MRC1: variants seen among roughly 807,000 people sequenced by gnomAD.
MRC1 encodes mannose receptor C-type 1.
In MRC1, 62 loss-of-function variants were observed where a neutral mutation model predicts 102.9. The ratio of observed to expected loss-of-function variants is 0.60; its 90% CI spans 0.49 to 0.74. MRC1 has a LOEUF of 0.74. MRC1 is among the 30% of genes least tolerant of loss of function. MRC1 has a pLI of 0.00. For synonymous variants in MRC1, 457 were observed against 298.4 expected, an observed-to-expected ratio of 1.53 and a Z score of -5.48; for missense variants, 1,237 against 862.8, an observed-to-expected ratio of 1.43 and a Z score of -5.43.
chr10:17,825,040 C>T (rs1838452476), intron 2 of MRC1, among the ~76,000 whole-genome samples: 2 of 152,172 alleles, frequency 1.3e-5, no homozygotes, highest in South Asian at 4.2e-4. Context: ...CCGGGTGATT[C>T]TGTGGCATAG....
intron 7 of MRC1, 142 bp from the exon 8 acceptor site, chr10:17,852,825 A>G: frequency 4.0e-6 from 3 of 753,230 alleles, no homozygotes; most frequent in Non-Finnish European, 7.4e-6. Flanking sequence ...ATGAGCACTC[A>G]TGAGGACTAT....
At chr10:17,881,677 T>G (rs1554842435) in intron 21 of MRC1, among the ~76,000 whole-genome samples, 1 of 93,916 alleles carries the variant, frequency 1.1e-5, no homozygotes. Context: ...TTGATTTTTT[T>G]TTTTTTTTTT....
At chr10:17,846,722 A>G (rs1230765188) in intron 6 of MRC1, among the ~76,000 whole-genome samples, 5 of 152,210 alleles carry the variant, frequency 3.3e-5, no homozygotes, top group Non-Finnish European at 2.9e-5. Context: ...CTTAACAACA[A>G]TTTTGGACAT....
At chr10:17,852,831 A>G in intron 7 of MRC1, 136 bp from the exon 8 acceptor site, 1 of 758,020 alleles carries the variant, frequency 1.3e-6, no homozygotes, top group South Asian at 1.4e-5. Flanking sequence ...ACTCATGAGG[A>G]CTATCTTTCA....
At position 17,859,327 on chromosome 10, in the gene MRC1, G is replaced by T. The variant is rs1833143879; in HGVS notation, c.1519-2060G>T. Among the ~76,000 whole-genome samples, 3 of 151,996 alleles carry T rather than the reference G, an allele frequency of 2.0e-5. No homozygotes were observed. In the South Asian group the frequency reaches 6.2e-4, roughly 32 times the overall value. The stretch of plus-strand genomic sequence containing the variant: ...TTTTCTCATATGGCTTGTTGTTGTT[G>T]TTGTTTTTGAGAAGGAGTCTTGCTA... On this transcript the variant is annotated intron_variant, in intron 9 of 29. Coordinates refer to ENST00000569591, the MANE Select transcript of MRC1 (RefSeq NM_002438.4).
chr10:17,896,764 C>T (rs959716685), intron 23 of MRC1, among the ~76,000 whole-genome samples: 2 of 151,826 alleles, frequency 1.3e-5, no homozygotes, highest in East Asian at 3.9e-4. Context: ...GACCCTGACT[C>T]TAAAATAAAA....
chr10:17,870,085 C>T (rs1053647350), intron 12 of MRC1, among the ~76,000 whole-genome samples, 161 bp from the exon 13 acceptor site: 6 of 152,300 alleles, frequency 3.9e-5, no homozygotes, highest in East Asian at 1.9e-4. Context: ...CCCAACTATT[C>T]ACTCATAAAC....
chr10:17,882,919 A>C (rs972518378), intron 21 of MRC1, among the ~76,000 whole-genome samples: 80 of 152,196 alleles, frequency 5.3e-4, no homozygotes, highest in Non-Finnish European at 1.0e-3. Flanking sequence ...GATAATAGAG[A>C]TGTGCAGAAG....
At chr10:17,858,951 C>T (rs1306453470) in intron 9 of MRC1, among the ~76,000 whole-genome samples, 1 of 152,202 alleles carries the variant, frequency 6.6e-6, no homozygotes, top group African/African-American at 2.4e-5. Context: ...ATTCTATTGT[C>T]TATGCTTTCT....
intron 6 of MRC1, among the ~76,000 whole-genome samples, chr10:17,846,183 C>G (rs966323737): frequency 2.6e-5 from 4 of 151,990 alleles, no homozygotes; most frequent in Admixed American, 1.3e-4. Context: ...GCTGGGATTA[C>G]AGGCATGAGC....
intron 21 of MRC1, among the ~76,000 whole-genome samples, chr10:17,881,649 A>G (rs1589190283): frequency 6.8e-6 from 1 of 147,744 alleles, no homozygotes; most frequent in East Asian, 2.0e-4. Flanking sequence ...TATTTTAAAT[A>G]TGAACTTTGA....
chr10:17,831,983 T>C (rs897502214), intron 3 of MRC1, among the ~76,000 whole-genome samples: 5,775 of 151,734 alleles, frequency 0.038, 317 homozygotes, highest in African/African-American at 0.076. Flanking sequence ...CAAGCAACAT[T>C]TGCTATTGCT....
intron 28 of MRC1, 26 bp downstream of exon 28, chr10:17,907,724 G>C: frequency 5.1e-6 from 4 of 780,326 alleles, no homozygotes; most frequent in Non-Finnish European, 9.6e-6. Context: ...GTTGCATGGT[G>C]CATATCACTG....
At chr10:17,886,387 C>G (rs1450033925) in intron 22 of MRC1, among the ~76,000 whole-genome samples, 7 of 150,498 alleles carry the variant, frequency 4.7e-5, no homozygotes, top group African/African-American at 1.5e-4. Flanking sequence ...TTTCACTGTC[C>G]CTTTCCCTCT....
At chr10:17,844,367 C>T (rs1228750745) in intron 5 of MRC1, among the ~76,000 whole-genome samples, 2 of 151,890 alleles carry the variant, frequency 1.3e-5, no homozygotes, top group African/African-American at 4.8e-5. Flanking sequence ...TACAGGTGCC[C>T]GCCAGCTCCC....
chr10:17,865,481 T>C (rs1004924131), intron 11 of MRC1: 10,039 of 152,346 alleles, frequency 0.066, 489 homozygotes, highest in Non-Finnish European at 0.1. Flanking sequence ...GAGTTAACCC[T>C]GGAATGTCCT....
intron 5 of MRC1, among the ~76,000 whole-genome samples, chr10:17,841,150 A>C (rs1838743463): frequency 6.6e-6 from 1 of 152,368 alleles, no homozygotes; most frequent in African/African-American, 2.4e-5. Flanking sequence ...TAAATATGCT[A>C]CTTGCATTGT....
At chr10:17,812,788 G>C (rs1045621998) in intron 1 of MRC1, among the ~76,000 whole-genome samples, 7 of 151,912 alleles carry the variant, frequency 4.6e-5, no homozygotes, top group African/African-American at 1.5e-4. Context: ...GGCCAGGCTG[G>C]TCTTGAACTC....
intron 17 of MRC1, among the ~76,000 whole-genome samples, chr10:17,875,984 T>A (rs1384450223): frequency 6.6e-6 from 1 of 152,216 alleles, no homozygotes; most frequent in African/African-American, 2.4e-5. Context: ...GGTGTCACAT[T>A]GTGATTTTGA....
Sources: gnomAD v4.1 joint callset for allele counts (sites outside exome capture counted in the v4.1 genomes callset) on GRCh38, gnomAD v4.1.1 for gene constraint, MANE v1.5 for transcripts, NCBI Gene and HGNC (gene_info 2026-07-23, HGNC 2026-07-21) for gene names.